The following DPYD variants were observed in gnomAD, a reference collection of about 807,000 sequenced individuals.
The protein encoded by DPYD is dihydropyrimidine dehydrogenase [NADP(+)].
In DPYD, 109 loss-of-function variants were observed where a neutral mutation model predicts 116.2. The ratio of observed to expected loss-of-function variants is 0.94; its 90% CI spans 0.80 to 1.10. The LOEUF is 1.10. Among genes scored for constraint, DPYD ranks in the 50% least tolerant of loss-of-function variants. DPYD has a pLI of 0.00. For missense variants in DPYD, 1,302 were observed against 1,254.5 expected (o/e 1.04, Z -0.57); for synonymous variants, 440 against 432.0 (o/e 1.02, Z -0.23).
intron 13 of DPYD, among the ~76,000 whole-genome samples, chr1:97,474,145 T>C (rs1451335095): frequency 1.3e-5 from 2 of 151,834 alleles, no homozygotes; most frequent in African/African-American, 4.8e-5. Flanking sequence ...GAGAATGAAA[T>C]CATTTACTGA....
At chr1:97,389,874 A>T (rs1283017487) in intron 14 of DPYD, among the ~76,000 whole-genome samples, 1 of 151,616 alleles carries the variant, frequency 6.6e-6, no homozygotes, top group Admixed American at 6.6e-5. Flanking sequence ...CAAAAAAAAA[A>T]AAAGTAGTGC....
In DPYD at chr1:97,085,441, G is replaced by A. The variant is rs144592207; in HGVS notation, c.2767-2971C>T. Among the ~76,000 whole-genome samples the A allele has an allele frequency of 4.2e-3, 637 of 152,274 alleles. 3 individuals carry two copies. Among genetic ancestry groups the A allele is most frequent in the African/African-American group, 0.015 (613 of 41,546 alleles). Reference sequence around the variant, plus strand: ...TCATTGTTTAATGTGAAGCCAATGTGGAGCCTCTAGAAGTTATTAGCACAT... The same window carrying A: ...TCATTGTTTAATGTGAAGCCAATGTAGAGCCTCTAGAAGTTATTAGCACAT... On this transcript the variant is annotated intron_variant, in intron 21 of 22. Coordinates refer to ENST00000370192, the MANE Select transcript of DPYD (RefSeq NM_000110.4).
At chr1:97,399,876 C>T (rs144409461) in intron 14 of DPYD, among the ~76,000 whole-genome samples, 5 of 152,234 alleles carry the variant, frequency 3.3e-5, no homozygotes, top group East Asian at 1.9e-4. Context: ...TCTAGATACA[C>T]GATCATGTCA....
chr1:97,557,435 C>A (rs1382033585), intron 11 of DPYD, among the ~76,000 whole-genome samples: 2 of 150,988 alleles, frequency 1.3e-5, no homozygotes, highest in Admixed American at 1.3e-4. Context: ...CGTGCTTCAG[C>A]CTCCCAAGTA....
intron 3 of DPYD, among the ~76,000 whole-genome samples, chr1:97,787,916 T>C (rs192555492): frequency 6.6e-6 from 1 of 152,318 alleles, no homozygotes; most frequent in Admixed American, 6.5e-5. Context: ...GATTTAGTAA[T>C]AAAGCTTCCT....
At chr1:97,807,416 G>A (rs1048912926) in intron 3 of DPYD, among the ~76,000 whole-genome samples, 5 of 152,004 alleles carry the variant, frequency 3.3e-5, no homozygotes, top group African/African-American at 1.2e-4. Context: ...ATTTTCACAT[G>A]GTTATTTGCC....
rs140565712 is a variant in DPYD, at chr1:97,464,800, C to T, written c.1741-14577G>A. Among the ~76,000 whole-genome samples the T allele has an allele frequency of 1.7e-3, 257 of 152,320 alleles. 1 individual carries two copies. Among genetic ancestry groups the T allele is most frequent in the African/African-American group, 6.0e-3 (249 of 41,568 alleles). ...ACGGGACCCTCATGGAGAACCTCTA[C>T]TAGGGCAGTGCAGAAGGGAAATGTG... On this transcript the variant is annotated intron_variant, in intron 13 of 22. Coordinates refer to ENST00000370192, the MANE Select transcript of DPYD (RefSeq NM_000110.4).
At position 97,491,853 on chromosome 1, in the gene DPYD, A is replaced by G. The variant is rs947146405; in HGVS notation, c.1740+23873T>C. Among the ~76,000 whole-genome samples, 10 of 152,216 alleles carry G rather than the reference A, an allele frequency of 6.6e-5. No individual in the cohort carries two copies. In the East Asian group the frequency reaches 1.7e-3, roughly 26 times the overall value. Reference sequence around the variant, plus strand: ...ATCATATTAAACATGTTTTTCCCCAATAGTAGCAAATTCAGCAATTCTCCA... The same window carrying G: ...ATCATATTAAACATGTTTTTCCCCAGTAGTAGCAAATTCAGCAATTCTCCA... On this transcript the variant is annotated intron_variant, in intron 13 of 22. Coordinates refer to ENST00000370192, the MANE Select transcript of DPYD (RefSeq NM_000110.4).
At chr1:97,730,353 C>G (rs1426532289) in intron 4 of DPYD, among the ~76,000 whole-genome samples, 1 of 152,130 alleles carries the variant, frequency 6.6e-6, no homozygotes, top group African/African-American at 2.4e-5. Context: ...TCACAAGTAG[C>G]TGGGACTATA....
rs746939312 is a variant in DPYD at position 97,173,556 on chromosome 1, AT to A, written c.2622+19512del. Reference sequence around the variant, plus strand: ...TGTGAAGTATTTAGAGTTTATTACTATTTTTTTTTTAACAATTGATCATCAA... The same window carrying A: ...TGTGAAGTATTTAGAGTTTATTACTATTTTTTTTTAACAATTGATCATCAA... On this transcript the variant is annotated intron_variant, in intron 20 of 22. Transcript: ENST00000370192. 1.5e-3 allele frequency among the ~76,000 whole-genome samples: 225 copies of A among 148,252 alleles called. 1 individual carries two copies. The highest frequency in any genetic ancestry group is 7.1e-3 in the Middle Eastern group (2 of 282).
chr1:97,104,283 C>T (rs1650969569), intron 20 of DPYD, among the ~76,000 whole-genome samples: 2 of 152,030 alleles, frequency 1.3e-5, no homozygotes, highest in African/African-American at 4.8e-5. Flanking sequence ...TTTGAATTGT[C>T]AAACAATCCC....
chr1:97,733,595 T>C (rs1571268475), intron 4 of DPYD, among the ~76,000 whole-genome samples: 1 of 152,118 alleles, frequency 6.6e-6, no homozygotes, highest in African/African-American at 2.4e-5. Flanking sequence ...GCCTAATAGA[T>C]TGAGCTGATA....
At chr1:97,651,149 T>C (rs958865165) in intron 8 of DPYD, among the ~76,000 whole-genome samples, 1 of 152,172 alleles carries the variant, frequency 6.6e-6, no homozygotes, top group African/African-American at 2.4e-5. Flanking sequence ...AATAGTTGTA[T>C]ATGATACAAA....
intron 7 of DPYD, among the ~76,000 whole-genome samples, chr1:97,687,584 T>C (rs1215949737): frequency 1.3e-5 from 2 of 152,142 alleles, no homozygotes; most frequent in Non-Finnish European, 2.9e-5. Flanking sequence ...CTCAAAGACA[T>C]AGAACCAGAA....
At chr1:97,430,044 T>C (rs1675085895) in intron 14 of DPYD, among the ~76,000 whole-genome samples, 1 of 152,182 alleles carries the variant, frequency 6.6e-6, no homozygotes, top group African/African-American at 2.4e-5. Context: ...CATATAATGC[T>C]TGATAATTAA....
intron 19 of DPYD, among the ~76,000 whole-genome samples, chr1:97,202,330 T>C (rs1340395984): frequency 6.6e-6 from 1 of 152,150 alleles, no homozygotes; most frequent in Non-Finnish European, 1.5e-5. Flanking sequence ...AAACGATAAA[T>C]TCTCTGATAA....
intron 1 of DPYD, among the ~76,000 whole-genome samples, chr1:97,916,285 G>C (rs1392575546): frequency 6.6e-6 from 1 of 152,066 alleles, no homozygotes; most frequent in Admixed American, 6.5e-5. Context: ...GCTGCACCCA[G>C]TAACTCGTCA....
intron 8 of DPYD, among the ~76,000 whole-genome samples, chr1:97,675,480 A>T (rs1056637269): frequency 6.6e-6 from 1 of 152,190 alleles, no homozygotes; most frequent in Non-Finnish European, 1.5e-5. Context: ...TGTACATTCA[A>T]TGAGATAATT....
intron 1 of DPYD, among the ~76,000 whole-genome samples, chr1:97,913,041 G>C (rs1272935850): frequency 6.6e-6 from 1 of 152,022 alleles, no homozygotes. Context: ...CGAATCTCTG[G>C]TCTTAATTTC....
Sources: allele counts gnomAD v4.1 joint callset (sites outside exome capture counted in the v4.1 genomes callset), GRCh38; gene constraint gnomAD v4.1.1; transcripts MANE v1.5; gene names NCBI Gene and HGNC (gene_info 2026-07-23, HGNC 2026-07-21).